The following DAPK2 variants were observed in gnomAD, a reference collection of about 807,000 sequenced individuals.
DAPK2 encodes the protein death-associated protein kinase 2.
Under a neutral mutation model 44.1 loss-of-function variants are expected in DAPK2, and 35 were observed. The observed-to-expected ratio is 0.79, with a 90% CI of 0.61 to 1.05. The LOEUF (loss-of-function observed/expected upper bound fraction) is 1.05, where lower values mean the gene tolerates loss of function less well. DAPK2 is among the 50% of genes least tolerant of loss of function. DAPK2 has a pLI of 0.00. For synonymous variants in DAPK2, 174 were observed against 182.6 expected (o/e 0.95, Z 0.38); for missense variants, 453 against 483.2 (o/e 0.94, Z 0.59).
intron 4 of DAPK2, among the ~76,000 whole-genome samples, chr15:63,937,344 A>AT (rs371371085): frequency 1.3e-4 from 20 of 151,766 alleles, no homozygotes; most frequent in East Asian, 5.8e-4. Context: ...AAATTAGGGA[A>AT]TTTTTTTTTG....
intron 6 of DAPK2, 89 bp from the exon 8 acceptor site, chr15:63,926,182 C>G: frequency 6.9e-7 from 1 of 1,442,446 alleles, no homozygotes; most frequent in Non-Finnish European, 9.4e-7. Context: ...CCCATGACTG[C>G]TGCAGGGAGC....
At chr15:63,933,151 A>G (rs1407689837) in intron 4 of DAPK2, among the ~76,000 whole-genome samples, 7 of 152,262 alleles carry the variant, frequency 4.6e-5, no homozygotes, top group Non-Finnish European at 8.8e-5. Flanking sequence ...AGATAGGCAC[A>G]GAAATTTGGA....
At position 64,020,743 on chromosome 15, in the gene DAPK2, C is replaced by T. The variant is rs2141077930; in HGVS notation, c.92+19427G>A. 6.6e-6 allele frequency among the ~76,000 whole-genome samples: 1 copy of T among 152,284 alleles called. No homozygotes were observed. Among genetic ancestry groups the T allele is most frequent in the South Asian group, 2.1e-4 (1 of 4,822 alleles). ...CAGGCCTCTAAAGAAAGTCCCTGTT[C>T]CCAAAAGCACCTCAGGTACTAGAAG... On this transcript the variant is annotated intron_variant, in intron 1 of 10. Transcript: ENST00000261891. The surrounding 1 kb of genome is among the most constrained non-coding windows in gnomAD (Gnocchi z 4.5).
chr15:63,954,596 T>A (rs185943455), intron 3 of DAPK2, among the ~76,000 whole-genome samples: 1 of 152,336 alleles, frequency 6.6e-6, no homozygotes, highest in East Asian at 1.9e-4. Context: ...TTCCTCCACT[T>A]TTGTTCTTTT....
intron 3 of DAPK2, chr15:63,942,200 AGGCTCACCTCTGT>A (rs2077328076): frequency 1.0e-6 from 1 of 985,124 alleles, no homozygotes; most frequent in African/African-American, 1.7e-5. Flanking sequence ...TTCCTCACAC[AGGCTCACCTCTGT>A]GGCACACAGT....
rs376162295 is a variant in DAPK2, at chr15:63,922,317, G to A, written c.858+2499C>T. 1.1e-5 allele frequency: 11 copies of A among 997,712 alleles called. No individual in the cohort carries two copies. In the African/African-American group the frequency reaches 1.9e-4, roughly 17 times the overall value. 61.8% of individuals were successfully genotyped at this position (997,712 alleles called of 1,614,324 possible). A position where few individuals can be genotyped will look rare whatever the true frequency, so the allele number is the denominator to read the frequency against. ...TGCTTCTGTAGCAGGAAAGCACCAT[G>A]CTGACTTAGTTATTCCTAATTAACT... is the stretch of plus-strand genomic sequence containing the variant. On this transcript the variant is annotated intron_variant, in intron 8 of 10. Coordinates refer to ENST00000261891, the Ensembl canonical transcript of DAPK2.
At chr15:64,009,457 CA>C in intron 1 of DAPK2, among the ~76,000 whole-genome samples, 1 of 152,256 alleles carries the variant, frequency 6.6e-6, no homozygotes, top group South Asian at 2.1e-4. Flanking sequence ...GGCCAGGCCC[CA>C]GGGGCCTTTC....
intron 3 of DAPK2, among the ~76,000 whole-genome samples, chr15:63,968,229 G>C (rs2078110589): frequency 6.6e-6 from 1 of 152,210 alleles, no homozygotes; most frequent in Admixed American, 6.5e-5. Context: ...TAATCCTTCT[G>C]AGTTCCAGCT....
At chr15:63,907,835 C>T (rs2078692970) in exon 11 of DAPK2, 1 of 152,402 alleles carries the variant, frequency 6.6e-6, no homozygotes, top group Non-Finnish European at 1.5e-5. Context: ...TCTGCCCACT[C>T]AGCACCCCAC....
rs549667481 is a variant in DAPK2, at chr15:63,936,871, T to A, written c.583+2361A>T. On this transcript the variant is annotated intron_variant, in intron 4 of 10. Transcript: ENST00000261891. ...GGTGCATGCCTGTAGACCAAGCTAC[T>A]CAGGAGGCTGAGGTGGGAGGATTAC... is the stretch of plus-strand genomic sequence containing the variant. Among the ~76,000 whole-genome samples, 9 of 151,024 alleles carry A rather than the reference T, an allele frequency of 6.0e-5. No individual in the cohort carries two copies. The South Asian group carries it at 1.3e-3, about 21-fold the overall frequency.
At chr15:64,002,467 A>G (rs2079107876) in intron 1 of DAPK2, among the ~76,000 whole-genome samples, 1 of 152,176 alleles carries the variant, frequency 6.6e-6, no homozygotes, top group South Asian at 2.1e-4. Context: ...ATCTATCAAC[A>G]TAATTTGTCC....
chr15:63,926,268 T>C (rs1358898260), intron 6 of DAPK2, 175 bp from the exon 8 acceptor site: 6 of 591,992 alleles, frequency 1.0e-5, no homozygotes, highest in Non-Finnish European at 1.7e-5. Context: ...TCCAATTCAA[T>C]ACATGTTCAT....
intron 3 of DAPK2, among the ~76,000 whole-genome samples, chr15:63,944,791 A>G (rs1029562854): frequency 6.6e-6 from 1 of 152,118 alleles, no homozygotes; most frequent in African/African-American, 2.4e-5. Flanking sequence ...GCCACCGGAG[A>G]AAGTCCAAAT....
Position 64,013,621 on chromosome 15 carries a change from C to A in DAPK2, c.92+26549G>T, listed in dbSNP as rs2079445577. 6.6e-6 allele frequency among the ~76,000 whole-genome samples: 1 copy of A among 152,202 alleles called. No individual in the cohort carries two copies. Among genetic ancestry groups the A allele is most frequent in the African/African-American group, 2.4e-5 (1 of 41,464 alleles). On this transcript the variant is annotated intron_variant, in intron 1 of 10. Coordinates refer to ENST00000261891, the Ensembl canonical transcript of DAPK2. This position sits in a 1 kb window ranked among gnomAD's most constrained non-coding sequence, Gnocchi z 4.7. ...AACCCTCACATTGCCAGAGAAGGAA[C>A]TGAGCGCCAGATAAGAATGCATTCC...
intron 3 of DAPK2, among the ~76,000 whole-genome samples, chr15:63,960,790 G>C (rs2077877968): frequency 6.6e-6 from 1 of 152,206 alleles, no homozygotes. Context: ...TTTGGAATAA[G>C]TGTGATGTGG....
At chr15:63,937,439 C>T (rs979037708) in intron 4 of DAPK2, among the ~76,000 whole-genome samples, 1 of 152,214 alleles carries the variant, frequency 6.6e-6, no homozygotes, top group Non-Finnish European at 1.5e-5. Flanking sequence ...CCCACTCACA[C>T]TAACAGTCTA....
At chr15:63,922,482 T>G in intron 8 of DAPK2, 5 of 1,258,618 alleles carry the variant, frequency 4.0e-6, no homozygotes, top group South Asian at 4.7e-5. Flanking sequence ...CCCTGAGGGG[T>G]ACTCACTCTC....
At chr15:64,038,801 G>A (rs935288582) in intron 1 of DAPK2, among the ~76,000 whole-genome samples, 3 of 152,108 alleles carry the variant, frequency 2.0e-5, no homozygotes, top group African/African-American at 7.2e-5. Context: ...TAAATCTTGG[G>A]GCCCCCACAT....
intron 1 of DAPK2, among the ~76,000 whole-genome samples, chr15:64,023,155 A>C (rs2079741185): frequency 6.6e-6 from 1 of 152,106 alleles, no homozygotes; most frequent in African/African-American, 2.4e-5. Context: ...GTGGAAGCTG[A>C]CTCTAAGGCA....
Sources: allele counts gnomAD v4.1 joint callset (sites outside exome capture counted in the v4.1 genomes callset), GRCh38; gene constraint gnomAD v4.1.1; non-coding constraint Gnocchi (gnomAD v3.1); transcripts MANE v1.5; gene names NCBI Gene and HGNC (gene_info 2026-07-23, HGNC 2026-07-21).